DYNC1H1: variants seen among roughly 807,000 people sequenced by gnomAD.
The protein encoded by DYNC1H1 is cytoplasmic dynein 1 heavy chain 1.
Under a neutral mutation model 527.1 loss-of-function variants are expected in DYNC1H1, and 51 were observed. The observed-to-expected ratio is 0.10, with a 90% CI of 0.08 to 0.12. The LOEUF is 0.12. Among genes scored for constraint, DYNC1H1 ranks in the 10% least tolerant of loss-of-function variants. The probability of loss-of-function intolerance (pLI) is 1.00; values close to 1 mark genes in which losing one functional copy is unlikely to be tolerated. For missense variants in DYNC1H1, 2,771 were observed against 5,971.8 expected (o/e 0.46, Z 17.66); for synonymous variants, 2,189 against 2,278.8 (o/e 0.96, Z 1.12).
rs1176598638 is a variant in DYNC1H1 at position 102,003,054 on chromosome 14, G to A, written c.4883+89G>A. The stretch of plus-strand genomic sequence containing the variant: ...GATCTTCTTTCCCTTCTGGGCCTGT[G>A]TTTGTTAGTTTTGACATCAAGGATT... On this transcript the variant is annotated intron_variant, in intron 23 of 77. Coordinates refer to ENST00000360184, the MANE Select transcript of DYNC1H1 (RefSeq NM_001376.5). The A allele has an allele frequency of 3.2e-6, 5 of 1,561,060 alleles. No individual in the cohort carries two copies. The African/African-American group carries it at 6.7e-5, about 21-fold the overall frequency.
intron 1 of DYNC1H1, among the ~76,000 whole-genome samples, chr14:101,969,757 G>C (rs1019054802): frequency 2.0e-5 from 3 of 152,232 alleles, no homozygotes; most frequent in African/African-American, 7.2e-5. Flanking sequence ...AGATAAATTT[G>C]AATGTGCAGT....
In DYNC1H1 at chr14:102,039,289, C is replaced by T. The variant is rs2152595048; in HGVS notation, c.11460+35C>T. On this transcript the variant is annotated intron_variant, in intron 60 of 77. Coordinates refer to ENST00000360184, the MANE Select transcript of DYNC1H1 (RefSeq NM_001376.5). The surrounding 1 kb of genome is among the most constrained non-coding windows in gnomAD (Gnocchi z 7.0). ...TTGGCCATGCAGAGACTGGCGGGCC[C>T]CGCACAGTAGCTCCTTGGCCGCACA... The T allele has an allele frequency of 6.2e-7, 1 of 1,611,616 alleles. No individual in the cohort carries two copies. The highest frequency in any genetic ancestry group is 2.2e-5 in the East Asian group (1 of 44,886).
In DYNC1H1 at chr14:101,986,799, C is replaced by T. The variant is rs375071268; in HGVS notation, c.2538+36C>T. ...ATGTAATCCTCAGGTGTCCTGGTAA[C>T]GAATGAAGCACAGTAATAGCGAGCT... On this transcript the variant is annotated intron_variant, in intron 8 of 77. Coordinates refer to ENST00000360184, the MANE Select transcript of DYNC1H1 (RefSeq NM_001376.5). The surrounding 1 kb of genome is among the most constrained non-coding windows in gnomAD (Gnocchi z 8.7). The T allele has an allele frequency of 8.7e-6, 14 of 1,610,204 alleles. No homozygotes were observed. Among genetic ancestry groups the T allele is most frequent in the East Asian group, 2.2e-5 (1 of 44,878 alleles).
At chr14:101,977,702 G>A (rs1402009349) in intron 2 of DYNC1H1, among the ~76,000 whole-genome samples, 1 of 152,152 alleles carries the variant, frequency 6.6e-6, no homozygotes, top group Non-Finnish European at 1.5e-5. Flanking sequence ...TTCAGCCTTT[G>A]TGTACCTTTT....
At position 102,011,197 on chromosome 14, in the gene DYNC1H1, A is replaced by G; in HGVS notation, c.6618+245A>G. 7.3e-6 allele frequency: 4 copies of G among 549,688 alleles called. No individual in the cohort carries two copies. Among genetic ancestry groups the G allele is most frequent in the Non-Finnish European group, 1.3e-5 (4 of 305,314 alleles). 34.1% of individuals were successfully genotyped at this position (549,688 alleles called of 1,614,324 possible). On this transcript the variant is annotated intron_variant, in intron 32 of 77. Coordinates refer to ENST00000360184, the MANE Select transcript of DYNC1H1 (RefSeq NM_001376.5). This position sits in a 1 kb window ranked among gnomAD's most constrained non-coding sequence, Gnocchi z 5.3. ...TTCAATTTCTGAAAATGCTAAGTGC[A>G]TGACTATATTGGAAAGTTGTTTATA...
At position 102,001,390 on chromosome 14, in the gene DYNC1H1, G is replaced by T; in HGVS notation, c.4395+36G>T. On this transcript the variant is annotated intron_variant, in intron 20 of 77. Coordinates refer to ENST00000360184, the MANE Select transcript of DYNC1H1 (RefSeq NM_001376.5). This position sits in a 1 kb window ranked among gnomAD's most constrained non-coding sequence, Gnocchi z 5.0. ...GGACTGAACGGCTGCTTTACGTTGT[G>T]TTTCGGGCTGTTACATAGATCTGAG... 6.2e-7 allele frequency: 1 copy of T among 1,613,720 alleles called. No homozygotes were observed.
At position 102,042,952 on chromosome 14, in the gene DYNC1H1, C is replaced by G. The variant is rs940029581; in HGVS notation, c.12513+204C>G. Reference sequence around the variant, plus strand: ...TGGTAATCCTAGCACTTTGGAAGGTCGAGGTGGGAGGATCACTTGAGCCCA... The same window carrying G: ...TGGTAATCCTAGCACTTTGGAAGGTGGAGGTGGGAGGATCACTTGAGCCCA... On this transcript the variant is annotated intron_variant, in intron 69 of 77. Coordinates refer to ENST00000360184, the MANE Select transcript of DYNC1H1 (RefSeq NM_001376.5). This position sits in a 1 kb window ranked among gnomAD's most constrained non-coding sequence, Gnocchi z 5.7. 5 of 634,848 alleles carry G rather than the reference C, an allele frequency of 7.9e-6. No individual in the cohort carries two copies. Among genetic ancestry groups the G allele is most frequent in the Non-Finnish European group, 1.4e-5 (5 of 354,388 alleles). 39.3% of individuals were successfully genotyped at this position (634,848 alleles called of 1,614,324 possible).
At position 101,979,547 on chromosome 14, in the gene DYNC1H1, G is replaced by A; in HGVS notation, c.518+55G>A. On this transcript the variant is annotated intron_variant, in intron 3 of 77. Transcript: ENST00000360184. The surrounding 1 kb of genome is among the most constrained non-coding windows in gnomAD (Gnocchi z 4.6). The stretch of plus-strand genomic sequence containing the variant: ...CACTTAATGTTCACAAGATAGTATA[G>A]AACTCGGTGTAAAACTTGGGAATTG... 1 of 1,612,630 alleles carries A rather than the reference G, an allele frequency of 6.2e-7. No individual in the cohort carries two copies. The highest frequency in any genetic ancestry group is 8.5e-7 in the Non-Finnish European group (1 of 1,179,066).
In DYNC1H1 at chr14:102,016,752, A is replaced by G. The variant is rs1358888197; in HGVS notation, c.7615-14A>G. Reference sequence around the variant, plus strand: ...TGGTTGCAGCCGGACTCACACTTCCATCTCCGTGTGTAGGTGTCCATCAGC... The same window carrying G: ...TGGTTGCAGCCGGACTCACACTTCCGTCTCCGTGTGTAGGTGTCCATCAGC... On this transcript the variant is annotated splice_polypyrimidine_tract_variant and intron_variant, in intron 37 of 77. Coordinates refer to ENST00000360184, the MANE Select transcript of DYNC1H1 (RefSeq NM_001376.5). The surrounding 1 kb of genome is among the most constrained non-coding windows in gnomAD (Gnocchi z 7.3). The G allele has an allele frequency of 1.2e-6, 2 of 1,612,596 alleles. No homozygotes were observed. The highest frequency in any genetic ancestry group is 1.1e-5 in the South Asian group (1 of 90,830).
chr14:101,993,459 C>A (rs916653462), intron 11 of DYNC1H1, among the ~76,000 whole-genome samples: 1 of 152,104 alleles, frequency 6.6e-6, no homozygotes, highest in East Asian at 1.9e-4. Context: ...TTGCTGGGCC[C>A]GTGTAATGTG....
chr14:102,027,155 A>G lies in DYNC1H1; in HGVS notation c.8772-19A>G. ...GGCATTATAAGCCTTAACATTGATC[A>G]GTTCTCGTAATGTTTCAGAATATTC... On this transcript the variant is annotated intron_variant, in intron 44 of 77. Coordinates refer to ENST00000360184, the MANE Select transcript of DYNC1H1 (RefSeq NM_001376.5). The surrounding 1 kb of genome is among the most constrained non-coding windows in gnomAD (Gnocchi z 7.7). The G allele has an allele frequency of 3.1e-6, 5 of 1,609,246 alleles. No individual in the cohort carries two copies. Among genetic ancestry groups the G allele is most frequent in the Non-Finnish European group, 4.3e-6 (5 of 1,175,536 alleles).
chr14:101,979,242 T>A lies in DYNC1H1; in HGVS notation c.345-77T>A. On this transcript the variant is annotated intron_variant, in intron 2 of 77. Transcript: ENST00000360184. This position sits in a 1 kb window ranked among gnomAD's most constrained non-coding sequence, Gnocchi z 4.6. The stretch of plus-strand genomic sequence containing the variant: ...TTAGAAAAGCAACACTTCAGTATAT[T>A]CTTGTATGATTTTTAAATTAATAAG... The A allele has an allele frequency of 7.0e-7, 1 of 1,433,166 alleles. No individual in the cohort carries two copies. Among genetic ancestry groups the A allele is most frequent in the East Asian group, 2.3e-5 (1 of 43,656 alleles). The allele number at this position is 1,433,166 out of a possible 1,614,324, so 88.8% of individuals were successfully genotyped here.
chr14:102,032,668 A>T, intron 52 of DYNC1H1: 1 of 681,996 alleles, frequency 1.5e-6, no homozygotes. Flanking sequence ...CCTGGGCTAC[A>T]TGGCGACACC....
rs763703432 is a variant in DYNC1H1, at chr14:102,016,054, A to G, written c.7441A>G (p.Met2481Val). ...QYNANHPDFP[M>V]QIEQLERYIQ... ...TAACGCCAACCATCCCGACTTCCCC[A>G]TGCAGATCGAGCAGCTGGAGCGCTA... The change falls in exon 36 of 78, where the codon ATG becomes GTG. Residue 2481 changes from methionine to valine, a missense_variant. Met to Val is a conservative substitution (Grantham distance 21). This residue lies in a region of DYNC1H1 where 122 missense variants were observed against 168.4 expected (regional missense o/e 0.72). Coordinates refer to ENST00000360184, the MANE Select transcript of DYNC1H1 (RefSeq NM_001376.5). This position sits in a 1 kb window ranked among gnomAD's most constrained non-coding sequence, Gnocchi z 7.3. 6.2e-6 allele frequency: 10 copies of G among 1,612,734 alleles called. No homozygotes were observed. The highest frequency in any genetic ancestry group is 1.7e-5 in the Admixed American group (1 of 59,898).
At chr14:102,048,377 C>T (rs1369306495) in intron 73 of DYNC1H1, 139 bp from the exon 74 acceptor site, 1 of 1,212,424 alleles carries the variant, frequency 8.2e-7, no homozygotes, top group Non-Finnish European at 1.2e-6. Context: ...CCAAGTCACG[C>T]TCTGCCAAAG....
chr14:101,986,774 A>C lies in DYNC1H1; in HGVS notation c.2538+11A>C. ...AACTTCCAAGAAAAGGTATGCTCTC[A>C]TGTAATCCTCAGGTGTCCTGGTAAC... On this transcript the variant is annotated intron_variant, in intron 8 of 77. Transcript: ENST00000360184. The surrounding 1 kb of genome is among the most constrained non-coding windows in gnomAD (Gnocchi z 8.7). 5 of 1,613,662 alleles carry C rather than the reference A, an allele frequency of 3.1e-6. No individual in the cohort carries two copies. The highest frequency in any genetic ancestry group is 1.3e-5 in the African/African-American group (1 of 75,036).
chr14:102,034,665 C>T (rs554408113), intron 56 of DYNC1H1: 59 of 817,326 alleles, frequency 7.2e-5, no homozygotes, highest in Non-Finnish European at 1.0e-4. Context: ...TTCTTGTAAC[C>T]TTCTAAAATC....
intron 1 of DYNC1H1, among the ~76,000 whole-genome samples, chr14:101,967,754 G>GAGTT (rs1471677292): frequency 1.3e-5 from 2 of 152,156 alleles, no homozygotes; most frequent in Non-Finnish European, 2.9e-5. Flanking sequence ...TTGAGCCCAG[G>GAGTT]AGTTTGACGC....
rs1287288686 is a variant in DYNC1H1, at chr14:102,047,637, GTGTGTATATA to G, written c.13007-178_13007-169del. ...TATATACACGTGTGTGTGTGTGTGT[GTGTGTATATA>G]TATATATATATATATATGTACACAC... is the stretch of plus-strand genomic sequence containing the variant. On this transcript the variant is annotated intron_variant, in intron 72 of 77. Coordinates refer to ENST00000360184, the MANE Select transcript of DYNC1H1 (RefSeq NM_001376.5). 5 of 394,228 alleles carry G rather than the reference GTGTGTATATA, an allele frequency of 1.3e-5. No homozygotes were observed. The African/African-American group carries it at 1.3e-4, about 11-fold the overall frequency. 24.4% of individuals were successfully genotyped at this position (394,228 alleles called of 1,614,324 possible).
Sources: allele counts gnomAD v4.1 joint callset (sites outside exome capture counted in the v4.1 genomes callset), GRCh38; gene constraint gnomAD v4.1.1; regional missense constraint gnomAD v4.1.1; non-coding constraint Gnocchi (gnomAD v3.1); transcripts MANE v1.5; gene names NCBI Gene and HGNC (gene_info 2026-07-23, HGNC 2026-07-21).